PDZD8: variants seen among roughly 807,000 people sequenced by gnomAD.
The protein encoded by PDZD8 is PDZ domain containing 8.
A neutral mutation model predicts 85.8 loss-of-function variants in PDZD8; 14 were observed. The observed-to-expected ratio is 0.16, with a 90% confidence interval of 0.11 to 0.26. The LOEUF (loss-of-function observed/expected upper bound fraction) is 0.26. Among genes scored for constraint, PDZD8 ranks in the 10% least tolerant of loss-of-function variants. PDZD8 has a pLI of 1.00. For synonymous variants in PDZD8, 592 were observed against 568.6 expected (o/e 1.04, Z -0.59); for missense variants, 1,197 against 1,424.3 (o/e 0.84, Z 2.57).
chr10:117,290,864 C>CTTTTTTTT (rs145614241), intron 3 of PDZD8, among the ~76,000 whole-genome samples: 5 of 123,562 alleles, frequency 4.0e-5, no homozygotes, highest in Admixed American at 8.4e-5. Context: ...ATGGTGTATC[C>CTTTTTTTT]TTTTTTTTTT....
intron 2 of PDZD8, among the ~76,000 whole-genome samples, chr10:117,325,368 T>C (rs1326912162): frequency 6.7e-6 from 1 of 148,990 alleles, no homozygotes; most frequent in Non-Finnish European, 1.5e-5. Flanking sequence ...AAAAGACTTA[T>C]TTGAGATTAC....
chr10:117,333,117 C>CAAAAAAA (rs752527474), intron 2 of PDZD8, among the ~76,000 whole-genome samples: 3 of 7,260 alleles, frequency 4.1e-4, no homozygotes, highest in Non-Finnish European at 5.8e-4. Context: ...GACTCTGTCT[C>CAAAAAAA]AAAAAAAAAA....
At chr10:117,314,438 G>T (rs915143842) in intron 3 of PDZD8, among the ~76,000 whole-genome samples, 2 of 152,040 alleles carry the variant, frequency 1.3e-5, no homozygotes, top group Admixed American at 1.3e-4. Context: ...TTCTTATAAC[G>T]GTTGCCAGTT....
chr10:117,333,292 G>A (rs145622709), intron 2 of PDZD8, among the ~76,000 whole-genome samples: 1,721 of 152,054 alleles, frequency 0.011, 20 homozygotes, highest in Middle Eastern at 0.031. Context: ...ATCTTGTAAC[G>A]ATGCTCTAAG....
At chr10:117,313,088 A>C (rs1426110739) in intron 3 of PDZD8, among the ~76,000 whole-genome samples, 2 of 152,130 alleles carry the variant, frequency 1.3e-5, no homozygotes, top group Non-Finnish European at 2.9e-5. Context: ...TTCTTCCTTC[A>C]TATTCTACTT....
chr10:117,342,967 A>G (rs1014923545), intron 1 of PDZD8, among the ~76,000 whole-genome samples: 2 of 152,192 alleles, frequency 1.3e-5, no homozygotes, highest in African/African-American at 4.8e-5. Context: ...GCACTCGGCC[A>G]TACATGCTGC....
chr10:117,318,487 G>C (rs1010181226), intron 3 of PDZD8, among the ~76,000 whole-genome samples: 2 of 152,014 alleles, frequency 1.3e-5, no homozygotes, highest in East Asian at 1.9e-4. Context: ...AGTTTCTCTT[G>C]CATCTAAAAC....
chr10:117,303,463 T>C lies in PDZD8; in HGVS notation c.1099-13115A>G, dbSNP rs12573763. Among the ~76,000 whole-genome samples the C allele has an allele frequency of 2.7e-3, 413 of 152,324 alleles. 11 individuals are homozygous for C. In the East Asian group the frequency reaches 0.058, roughly 21 times the overall value. On this transcript the variant is annotated intron_variant, in intron 3 of 4. Transcript: ENST00000334464. Reference sequence around the variant, plus strand: ...ACAGAGCATAAAAGTTTGGAAAATTTGGAGCCTGACTATGCGATAGAAAAG... The same window carrying C: ...ACAGAGCATAAAAGTTTGGAAAATTCGGAGCCTGACTATGCGATAGAAAAG...
chr10:117,309,325 T>C (rs531867653), intron 3 of PDZD8, among the ~76,000 whole-genome samples: 4 of 151,960 alleles, frequency 2.6e-5, no homozygotes, highest in East Asian at 1.9e-4. Flanking sequence ...CTTAAAAACA[T>C]AGCATAAACC....
In PDZD8 at chr10:117,277,448, C is replaced by T. The variant is rs1164265616; in HGVS notation, c.*5820G>A. ...CAACAGCCTTATAAAGAAAAAGAAG[C>T]TTTTCTAGGGGTTTGTATAAATAGT... On this transcript the variant is annotated 3_prime_UTR_variant, in exon 5 of 5. Coordinates refer to ENST00000334464, the MANE Select transcript of PDZD8 (RefSeq NM_173791.5). 5 of 402,192 alleles carry T rather than the reference C, an allele frequency of 1.2e-5. No individual in the cohort carries two copies. Among genetic ancestry groups the T allele is most frequent in the Non-Finnish European group, 2.2e-5 (5 of 226,412 alleles). The allele number at this position is 402,192 out of a possible 1,614,324, so 24.9% of individuals were successfully genotyped here.
chr10:117,290,401 G>T, intron 3 of PDZD8, 53 bp from the exon 4 acceptor site: 2 of 1,428,894 alleles, frequency 1.4e-6, no homozygotes, highest in Non-Finnish European at 1.9e-6. Context: ...CCTAGTAATA[G>T]AGGAAAAAAA....
At chr10:117,369,293 GA>G (rs1289610472) in intron 1 of PDZD8, among the ~76,000 whole-genome samples, 2 of 151,752 alleles carry the variant, frequency 1.3e-5, no homozygotes, top group Non-Finnish European at 2.9e-5. Context: ...TGAGTAACTG[GA>G]ATTACAGGCA....
intron 1 of PDZD8, among the ~76,000 whole-genome samples, chr10:117,372,215 A>T (rs1845205953): frequency 6.6e-6 from 1 of 152,258 alleles, no homozygotes; most frequent in African/African-American, 2.4e-5. Flanking sequence ...TCACATTTAG[A>T]AGTTGAAATA....
At chr10:117,298,539 CT>C (rs1459085469) in intron 3 of PDZD8, among the ~76,000 whole-genome samples, 1 of 152,110 alleles carries the variant, frequency 6.6e-6, no homozygotes, top group Non-Finnish European at 1.5e-5. Flanking sequence ...TTCTACATAA[CT>C]TCTTTATAAC....
At chr10:117,302,756 G>A (rs1158910658) in intron 3 of PDZD8, among the ~76,000 whole-genome samples, 1 of 152,158 alleles carries the variant, frequency 6.6e-6, no homozygotes, top group East Asian at 1.9e-4. Context: ...AGTCTTTCCT[G>A]TGCTATTCTC....
intron 2 of PDZD8, among the ~76,000 whole-genome samples, chr10:117,328,639 C>T (rs935183269): frequency 4.6e-5 from 7 of 151,874 alleles, no homozygotes; most frequent in African/African-American, 1.5e-4. Context: ...AACTCTCTTA[C>T]GAAAAAGTAA....
intron 2 of PDZD8, among the ~76,000 whole-genome samples, chr10:117,334,621 T>C (rs1844485312): frequency 6.6e-6 from 1 of 151,724 alleles, no homozygotes; most frequent in Non-Finnish European, 1.5e-5. Context: ...TGACAGAACA[T>C]TTGTTCAAAG....
chr10:117,292,196 T>A (rs363243), intron 3 of PDZD8, among the ~76,000 whole-genome samples: 116,881 of 152,068 alleles, frequency 0.77, 45,581 homozygotes, highest in Non-Finnish European at 0.85. Context: ...ATCTTAATCA[T>A]ACTGTGCTCA....
intron 2 of PDZD8, among the ~76,000 whole-genome samples, chr10:117,332,815 G>GT (rs779516153): frequency 1.4e-5 from 2 of 147,524 alleles, no homozygotes. Context: ...CCTCTGTAAA[G>GT]TTTTTTTAAA....
Sources: allele counts gnomAD v4.1 joint callset (sites outside exome capture counted in the v4.1 genomes callset), GRCh38; gene constraint gnomAD v4.1.1; transcripts MANE v1.5; gene names NCBI Gene and HGNC (gene_info 2026-07-23, HGNC 2026-07-21).